The following TRIM71 variants were observed in gnomAD, a reference collection of about 807,000 sequenced individuals.
TRIM71 encodes E3 ubiquitin-protein ligase TRIM71.
In TRIM71, 9 loss-of-function variants were observed where a neutral mutation model predicts 61.2. That is an observed-to-expected ratio of 0.15 (90% confidence interval 0.09 to 0.26). The LOEUF (loss-of-function observed/expected upper bound fraction) is 0.26. TRIM71 is among the 10% of genes least tolerant of loss of function. TRIM71 has a pLI of 1.00. For synonymous variants in TRIM71, 645 were observed against 553.2 expected (o/e 1.17, Z -2.33); for missense variants, 998 against 1,238.7 (o/e 0.81, Z 2.92).
chr3:32,890,781 C>T lies in TRIM71; in HGVS notation c.1577C>T (p.Ala526Val). Residue 526 changes from alanine to valine, a missense_variant, in exon 4 of 4, where the codon GCT becomes GTT. Ala to Val is a moderately conservative substitution (Grantham distance 64). This residue lies in a region of TRIM71 where 291 missense variants were observed against 431.2 expected (regional missense o/e 0.67). Transcript: ENST00000383763. The surrounding 1 kb of genome is among the most constrained non-coding windows in gnomAD (Gnocchi z 6.2). ...CTCTCAGGAGGCGACCTGATGTCGGCTGTGGTCCTGGGCCCTGATGGCAAC... is the reference window on the plus strand; with the variant it reads ...CTCTCAGGAGGCGACCTGATGTCGGTTGTGGTCCTGGGCCCTGATGGCAAC... ...PRLSGGDLMS[A>V]VVLGPDGNLF... 1 of 1,614,170 alleles carries T rather than the reference C, an allele frequency of 6.2e-7. No individual in the cohort carries two copies. The highest frequency in any genetic ancestry group is 8.5e-7 in the Non-Finnish European group (1 of 1,180,036).
intron 2 of TRIM71, among the ~76,000 whole-genome samples, chr3:32,877,387 AGCCACCGC>A (rs1362331216): frequency 6.7e-6 from 1 of 149,110 alleles, no homozygotes; most frequent in Non-Finnish European, 1.5e-5. Flanking sequence ...ATCAGGTGTG[AGCCACCGC>A]GCCTGGCCAT....
intron 1 of TRIM71, among the ~76,000 whole-genome samples, chr3:32,860,106 C>T (rs1404238324): frequency 6.8e-6 from 1 of 147,964 alleles, no homozygotes; most frequent in Non-Finnish European, 1.5e-5. Flanking sequence ...CTCTTCTCTC[C>T]CCTTCCCTCT....
intron 1 of TRIM71, among the ~76,000 whole-genome samples, chr3:32,837,486 T>G (rs1232147875): frequency 2.0e-5 from 3 of 152,198 alleles, no homozygotes; most frequent in Non-Finnish European, 2.9e-5. Flanking sequence ...TGCAATGTCT[T>G]GATGTCCTGG....
At chr3:32,884,899 C>G (rs1437354447) in intron 2 of TRIM71, among the ~76,000 whole-genome samples, 1 of 152,210 alleles carries the variant, frequency 6.6e-6, no homozygotes, top group Non-Finnish European at 1.5e-5. Context: ...TCCCTCACAT[C>G]TACCTTTACC....
intron 1 of TRIM71, among the ~76,000 whole-genome samples, chr3:32,840,782 T>A (rs923422510): frequency 6.6e-6 from 1 of 152,062 alleles, no homozygotes; most frequent in Non-Finnish European, 1.5e-5. Context: ...TGGCTAACAC[T>A]GGTGAAGCCT....
intron 1 of TRIM71, among the ~76,000 whole-genome samples, chr3:32,847,545 A>G (rs1222275883): frequency 6.6e-6 from 1 of 152,208 alleles, no homozygotes; most frequent in Non-Finnish European, 1.5e-5. Flanking sequence ...CCTTGGCTCC[A>G]TAATGGCTGT....
chr3:32,839,252 C>A (rs906494837), intron 1 of TRIM71, among the ~76,000 whole-genome samples: 1 of 151,432 alleles, frequency 6.6e-6, no homozygotes, highest in African/African-American at 2.4e-5. Context: ...TTTTTTGAGA[C>A]AAGAGTCTCA....
rs958530446 is a variant in TRIM71, at chr3:32,894,548, T to G, written c.*2737T>G. ...TTTGTCCTCAGTGGTGGTATATCTATCTCCTTACCTTTCTGTACCCAAAAT... is the reference window on the plus strand; with the variant it reads ...TTTGTCCTCAGTGGTGGTATATCTAGCTCCTTACCTTTCTGTACCCAAAAT... On this transcript the variant is annotated 3_prime_UTR_variant, in exon 4 of 4. Coordinates refer to ENST00000383763, the MANE Select transcript of TRIM71 (RefSeq NM_001039111.3). 6.6e-6 allele frequency: 1 copy of G among 152,222 alleles called. No homozygotes were observed. Among genetic ancestry groups the G allele is most frequent in the African/African-American group, 2.4e-5 (1 of 41,458 alleles). 9.4% of individuals were successfully genotyped at this position (152,222 alleles called of 1,614,324 possible). A position where few individuals can be genotyped will look rare whatever the true frequency, so the allele number is the denominator to read the frequency against.
At chr3:32,821,524 G>T (rs1696131472) in intron 1 of TRIM71, among the ~76,000 whole-genome samples, 1 of 152,144 alleles carries the variant, frequency 6.6e-6, no homozygotes, top group Non-Finnish European at 1.5e-5. Flanking sequence ...TGAGCAATTG[G>T]CTTTAAACCG....
intron 1 of TRIM71, among the ~76,000 whole-genome samples, chr3:32,860,157 C>A (rs1202897027): frequency 2.0e-5 from 3 of 148,160 alleles, no homozygotes; most frequent in Admixed American, 6.7e-5. Flanking sequence ...CTCCCCTCCC[C>A]TCTCCTCCCC....
intron 1 of TRIM71, among the ~76,000 whole-genome samples, chr3:32,870,869 G>A (rs1036564157): frequency 2.0e-5 from 3 of 152,104 alleles, no homozygotes; most frequent in African/African-American, 7.2e-5. Flanking sequence ...GCTAAATTCA[G>A]TGCCATGGTC....
chr3:32,859,406 C>T (rs1696640881), intron 1 of TRIM71, among the ~76,000 whole-genome samples: 1 of 152,048 alleles, frequency 6.6e-6, no homozygotes, highest in African/African-American at 2.4e-5. Flanking sequence ...ATTACAGGCA[C>T]ACATCAACAT....
At chr3:32,828,874 A>G (rs1696234329) in intron 1 of TRIM71, among the ~76,000 whole-genome samples, 1 of 152,136 alleles carries the variant, frequency 6.6e-6, no homozygotes, top group Non-Finnish European at 1.5e-5. Flanking sequence ...CAGGGTTCTC[A>G]CTTTGTTGCC....
At position 32,818,335 on chromosome 3, in the gene TRIM71, G is replaced by T. The variant is rs1277418857; in HGVS notation, c.255G>T (p.Glu85Asp). ...LPAAGGGAAG[E>D]PLKLRCPVCD... ...CGGCGGGCGGCGGCGCGGCGGGAGA[G>T]CCGCTCAAGCTGCGCTGCCCCGTGT... The change falls in exon 1 of 4, where the codon GAG becomes GAT. Residue 85 changes from glutamate to aspartate, a missense_variant. This residue lies in a region of TRIM71 where 527 missense variants were observed against 427.8 expected (regional missense o/e 1.23). Coordinates refer to ENST00000383763, the MANE Select transcript of TRIM71 (RefSeq NM_001039111.3). 2.8e-6 allele frequency: 4 copies of T among 1,447,948 alleles called. No individual in the cohort carries two copies. The highest frequency in any genetic ancestry group is 2.7e-6 in the Non-Finnish European group (3 of 1,105,014). 89.7% of individuals were successfully genotyped at this position (1,447,948 alleles called of 1,614,324 possible).
chr3:32,845,887 A>T (rs953619724), intron 1 of TRIM71, among the ~76,000 whole-genome samples: 11 of 148,832 alleles, frequency 7.4e-5, no homozygotes, highest in African/African-American at 2.5e-4. Context: ...AGCCTGGCTA[A>T]TTTTTGTATT....
chr3:32,873,796 C>T (rs532180464), intron 1 of TRIM71, 22 bp from the exon 2 acceptor site: 4 of 1,535,296 alleles, frequency 2.6e-6, no homozygotes, highest in East Asian at 2.3e-5. Flanking sequence ...CCATTTATGC[C>T]TGTACCCTCT....
rs1356915010 is a variant in TRIM71, at chr3:32,818,194, G to T, written c.114G>T (p.Thr38=). ...CCGCGTCGTCGTCCTCCTCGCAGAC[G>T]TCCACGTCGTCGGGGGGCGGCGGCG... ...NSSASSSSSQ[T]STSSGGGGGG... Residue 38 remains threonine, a synonymous_variant, in exon 1 of 4, where the codon ACG becomes ACT. Coordinates refer to ENST00000383763, the MANE Select transcript of TRIM71 (RefSeq NM_001039111.3). 2 of 1,578,160 alleles carry T rather than the reference G, an allele frequency of 1.3e-6. No homozygotes were observed. Among genetic ancestry groups the T allele is most frequent in the Non-Finnish European group, 1.7e-6 (2 of 1,165,410 alleles).
intron 2 of TRIM71, among the ~76,000 whole-genome samples, chr3:32,884,101 G>A (rs1022284172): frequency 6.6e-6 from 1 of 152,122 alleles, no homozygotes; most frequent in Non-Finnish European, 1.5e-5. Context: ...GGAGTCACGG[G>A]TGGTGTGCTT....
At chr3:32,879,433 T>A (rs890222601) in intron 2 of TRIM71, among the ~76,000 whole-genome samples, 4 of 152,212 alleles carry the variant, frequency 2.6e-5, no homozygotes, top group Admixed American at 6.5e-5. Context: ...CTTAATCATT[T>A]TAGATTTGTA....
Sources: gnomAD v4.1 joint callset for allele counts (sites outside exome capture counted in the v4.1 genomes callset) on GRCh38, gnomAD v4.1.1 for gene constraint, gnomAD v4.1.1 regional missense constraint, Gnocchi (gnomAD v3.1) non-coding constraint, MANE v1.5 for transcripts, NCBI Gene and HGNC (gene_info 2026-07-23, HGNC 2026-07-21) for gene names.